GLIS3: variants seen among roughly 807,000 people sequenced by gnomAD.
GLIS3 encodes GLIS family zinc finger 3, also known as zinc finger protein GLIS3.
GLIS3 carries 53 observed loss-of-function variants against 78.6 expected under a neutral mutation model. The observed-to-expected ratio is 0.67, with a 90% CI of 0.54 to 0.85. The LOEUF (loss-of-function observed/expected upper bound fraction) is 0.85. Among genes scored for constraint, GLIS3 ranks in the 40% least tolerant of loss-of-function variants. The probability of loss-of-function intolerance (pLI) is 0.00; values close to 1 mark genes in which losing one functional copy is unlikely to be tolerated. For missense variants in GLIS3, 1,703 were observed against 1,231.1 expected (o/e 1.38, Z -5.74); for synonymous variants, 684 against 509.9 (o/e 1.34, Z -4.60).
At chr9:3,952,524 G>C (rs942990722) in intron 4 of GLIS3, among the ~76,000 whole-genome samples, 1 of 152,060 alleles carries the variant, frequency 6.6e-6, no homozygotes, top group Non-Finnish European at 1.5e-5. Flanking sequence ...CCCACTCCTG[G>C]GTTCTGCATC....
At chr9:3,905,719 A>T (rs1477239187) in intron 6 of GLIS3, among the ~76,000 whole-genome samples, 1 of 152,138 alleles carries the variant, frequency 6.6e-6, no homozygotes, top group East Asian at 1.9e-4. Flanking sequence ...CCTGAATGAG[A>T]TGATCTTGAC....
chr9:4,082,604 G>T (rs1828651300), intron 4 of GLIS3, among the ~76,000 whole-genome samples: 1 of 152,150 alleles, frequency 6.6e-6, no homozygotes, highest in Admixed American at 6.5e-5. Context: ...CCATAATTAT[G>T]TGCTGAGAAC....
the GLIS3 span, among the ~76,000 whole-genome samples, chr9:4,427,459 A>G: frequency 1.1e-4 from 17 of 152,176 alleles, no homozygotes; most frequent in Non-Finnish European, 2.4e-4. Context: ...AGCACCCAGG[A>G]TGTATACACA....
intron 6 of GLIS3, among the ~76,000 whole-genome samples, chr9:3,924,508 C>G (rs565580319): frequency 2.6e-5 from 4 of 152,342 alleles, no homozygotes; most frequent in African/African-American, 9.6e-5. Flanking sequence ...GGCCACCTGC[C>G]TGGTATCCAC....
At chr9:4,368,640 T>A in the GLIS3 span, among the ~76,000 whole-genome samples, 24 of 152,200 alleles carry the variant, frequency 1.6e-4, no homozygotes, top group African/African-American at 5.3e-4. Context: ...CGTGAGCCAC[T>A]GCGCCCGGCC....
intron 4 of GLIS3, among the ~76,000 whole-genome samples, chr9:4,042,438 C>T (rs661207): frequency 0.32 from 48,590 of 152,008 alleles, 10,132 homozygotes; most frequent in African/African-American, 0.57. Context: ...AGCATGCCAA[C>T]TGCTGCTGGG....
At chr9:4,064,548 C>T (rs532898808) in intron 4 of GLIS3, among the ~76,000 whole-genome samples, 2 of 152,154 alleles carry the variant, frequency 1.3e-5, no homozygotes, top group Non-Finnish European at 2.9e-5. Flanking sequence ...AGTTCACATC[C>T]CAAGGCCGAG....
chr9:3,894,592 G>C (rs1822691836), intron 7 of GLIS3, among the ~76,000 whole-genome samples: 2 of 152,064 alleles, frequency 1.3e-5, no homozygotes, highest in African/African-American at 4.8e-5. Flanking sequence ...GATATTGTAA[G>C]AGAGAAGCCG....
chr9:3,842,049 TAAGA>T (rs1000990716), intron 9 of GLIS3, among the ~76,000 whole-genome samples: 1 of 152,222 alleles, frequency 6.6e-6, no homozygotes. Flanking sequence ...AGCTTTGCTG[TAAGA>T]AAGATCCGGC....
chr9:3,910,870 C>A (rs1315042701), intron 6 of GLIS3, among the ~76,000 whole-genome samples: 1 of 152,186 alleles, frequency 6.6e-6, no homozygotes, highest in Non-Finnish European at 1.5e-5. Context: ...AAACATCAGT[C>A]CCTGCTCTCT....
chr9:4,309,535 G>T (rs1421079747), intron 3 of GLIS3, among the ~76,000 whole-genome samples: 1 of 152,002 alleles, frequency 6.6e-6, no homozygotes, highest in Non-Finnish European at 1.5e-5. Flanking sequence ...AAAGGAGAGG[G>T]GTGGAGGTTA....
intron 4 of GLIS3, among the ~76,000 whole-genome samples, chr9:3,942,584 C>T (rs1363250835): frequency 6.6e-6 from 1 of 152,316 alleles, no homozygotes; most frequent in Non-Finnish European, 1.5e-5. Flanking sequence ...AAAGGGCCAC[C>T]TTACACACTT....
chr9:4,190,984 G>C (rs374846207), intron 2 of GLIS3, among the ~76,000 whole-genome samples: 6 of 152,022 alleles, frequency 3.9e-5, no homozygotes, highest in South Asian at 2.1e-4. Flanking sequence ...AGCAAATGCT[G>C]AGAGATTTTG....
chr9:4,101,587 A>C (rs1830375737), intron 4 of GLIS3, among the ~76,000 whole-genome samples: 7 of 152,134 alleles, frequency 4.6e-5, no homozygotes, highest in Admixed American at 4.6e-4. Context: ...TTTAGAAATT[A>C]TTTTTCTAGG....
chr9:3,879,091 G>C (rs1329929579), intron 8 of GLIS3, among the ~76,000 whole-genome samples: 1 of 152,076 alleles, frequency 6.6e-6, no homozygotes, highest in Non-Finnish European at 1.5e-5. Flanking sequence ...CTGACATCGG[G>C]AAGTGCTTCG....
intron 7 of GLIS3, among the ~76,000 whole-genome samples, chr9:3,893,299 T>A (rs993338047): frequency 2.6e-5 from 4 of 152,114 alleles, no homozygotes; most frequent in African/African-American, 9.7e-5. Context: ...TAATCTTGCA[T>A]GAAAAACTAA....
intron 2 of GLIS3, among the ~76,000 whole-genome samples, chr9:4,315,191 T>C (rs533057417): frequency 6.6e-6 from 1 of 152,344 alleles, no homozygotes; most frequent in South Asian, 2.1e-4. Context: ...CTTAAAATCA[T>C]GTGTCCCAGA....
At chr9:4,345,830 G>A (rs531605028) in intron 2 of GLIS3, among the ~76,000 whole-genome samples, 1 of 152,324 alleles carries the variant, frequency 6.6e-6, no homozygotes, top group South Asian at 2.1e-4. Flanking sequence ...TTGGGGAAGT[G>A]GGGAGTAAGG....
the GLIS3 span, among the ~76,000 whole-genome samples, chr9:4,419,938 C>A: frequency 6.6e-6 from 1 of 152,132 alleles, no homozygotes; most frequent in African/African-American, 2.4e-5. Flanking sequence ...TATAATTGAA[C>A]ATGAGATTTG....
Sources: gnomAD v4.1 joint callset for allele counts (sites outside exome capture counted in the v4.1 genomes callset) on GRCh38, gnomAD v4.1.1 for gene constraint, MANE v1.5 for transcripts, NCBI Gene and HGNC (gene_info 2026-07-23, HGNC 2026-07-21) for gene names.